Variants in EXOC4 observed in about 807,000 individuals in gnomAD.
EXOC4 encodes the protein SEC8-like 1.
EXOC4 carries 71 observed loss-of-function variants against 107.2 expected under a neutral mutation model. The observed-to-expected ratio is 0.66, with a 90% confidence interval of 0.55 to 0.81. EXOC4 has a LOEUF of 0.81. EXOC4 is among the 30% of genes least tolerant of loss of function. The pLI is 0.00. For missense variants in EXOC4, 1,108 were observed against 1,189.6 expected (o/e 0.93, Z 1.01); for synonymous variants, 456 against 441.2 (o/e 1.03, Z -0.42).
At chr7:133,930,227 A>C (rs1021520165) in intron 13 of EXOC4, among the ~76,000 whole-genome samples, 1 of 152,330 alleles carries the variant, frequency 6.6e-6, no homozygotes, top group African/African-American at 2.4e-5. Flanking sequence ...CATGTTATAC[A>C]GTGACTCCTG....
chr7:133,633,866 G>T lies in EXOC4; in HGVS notation c.1514+3725G>T, dbSNP rs888683443. 2.6e-5 allele frequency among the ~76,000 whole-genome samples: 4 copies of T among 152,108 alleles called. No homozygotes were observed. In the East Asian group the frequency reaches 5.8e-4, roughly 22 times the overall value. On this transcript the variant is annotated intron_variant, in intron 10 of 17. Coordinates refer to ENST00000253861, the MANE Select transcript of EXOC4 (RefSeq NM_021807.4). ...TCAGTGGAGGGAGAATCCCTTTCAAGTGCGTAGGTCCTTCACTTTCCTTTG... is the reference window on the plus strand; with the variant it reads ...TCAGTGGAGGGAGAATCCCTTTCAATTGCGTAGGTCCTTCACTTTCCTTTG...
At chr7:133,340,462 AT>A in intron 5 of EXOC4, among the ~76,000 whole-genome samples, 1 of 129,772 alleles carries the variant, frequency 7.7e-6, no homozygotes, top group East Asian at 2.2e-4. Context: ...ATCTGTGTTC[AT>A]TGGGGATATT....
At chr7:133,873,137 C>T (rs1798782633) in intron 11 of EXOC4, among the ~76,000 whole-genome samples, 1 of 152,128 alleles carries the variant, frequency 6.6e-6, no homozygotes, top group Admixed American at 6.5e-5. Context: ...AGTGAGACCC[C>T]ATCTCTACAA....
chr7:133,799,373 A>C (rs768532401), intron 10 of EXOC4, among the ~76,000 whole-genome samples: 2 of 152,202 alleles, frequency 1.3e-5, no homozygotes, highest in Non-Finnish European at 2.9e-5. Context: ...CCTGTCCTGC[A>C]TACTGTGGGA....
chr7:133,917,436 G>A (rs907159823), intron 12 of EXOC4, 147 bp from the exon 13 acceptor site: 4 of 673,360 alleles, frequency 5.9e-6, no homozygotes, highest in South Asian at 5.0e-5. Context: ...CTATTAATGG[G>A]TATCATGGAC....
chr7:133,882,973 T>G (rs1219657621), intron 11 of EXOC4, among the ~76,000 whole-genome samples: 1 of 152,162 alleles, frequency 6.6e-6, no homozygotes, highest in Non-Finnish European at 1.5e-5. Context: ...CACAAAGAAT[T>G]TTTCCATACA....
intron 12 of EXOC4, among the ~76,000 whole-genome samples, chr7:133,903,489 A>G (rs998885532): frequency 3.9e-5 from 6 of 152,146 alleles, no homozygotes; most frequent in African/African-American, 1.4e-4. Context: ...CAGATTGAAG[A>G]TAGGGTGTGA....
rs1794969647 is a variant in EXOC4 at position 133,315,435 on chromosome 7, G to A, written c.657-1849G>A. ...ATTAGGGTGGCACGGAAAGATGGTG[G>A]AAAGAGCTCTTTGTGTCTTTGGGCA... On this transcript the variant is annotated intron_variant, in intron 4 of 17. Coordinates refer to ENST00000253861, the MANE Select transcript of EXOC4 (RefSeq NM_021807.4). The A allele has an allele frequency of 2.6e-5, 4 of 152,188 alleles. 1 individual carries two copies. In the South Asian group the frequency reaches 6.2e-4, roughly 24 times the overall value. The allele number at this position is 152,188 out of a possible 1,614,324, so 9.4% of individuals were successfully genotyped here.
At chr7:133,672,385 C>T (rs797007199) in intron 10 of EXOC4, among the ~76,000 whole-genome samples, 5 of 144,702 alleles carry the variant, frequency 3.5e-5, no homozygotes, top group African/African-American at 1.3e-4. Context: ...AGTGAGACTC[C>T]GTTTAAAAAA....
chr7:134,001,215 G>T (rs1299039631), intron 15 of EXOC4, among the ~76,000 whole-genome samples: 1 of 152,096 alleles, frequency 6.6e-6, no homozygotes, highest in Non-Finnish European at 1.5e-5. Flanking sequence ...AGTCCAAGAT[G>T]CCAAGAATGT....
chr7:133,739,233 T>C (rs1359871732), intron 10 of EXOC4, among the ~76,000 whole-genome samples: 4 of 142,526 alleles, frequency 2.8e-5, no homozygotes, highest in African/African-American at 8.7e-5. Flanking sequence ...TGTGTGTGTG[T>C]GTGTGTGTGT....
intron 7 of EXOC4, among the ~76,000 whole-genome samples, chr7:133,429,503 T>C (rs4728287): frequency 0.77 from 117,579 of 151,888 alleles, 46,140 homozygotes; most frequent in East Asian, 0.95. Context: ...TTTAGTATAT[T>C]CACAGGGTTT....
intron 9 of EXOC4, among the ~76,000 whole-genome samples, chr7:133,505,718 G>A (rs1799654267): frequency 6.6e-6 from 1 of 152,088 alleles, no homozygotes; most frequent in South Asian, 2.1e-4. Context: ...CTAATTGCTT[G>A]ATAATGTAAC....
downstream of EXOC4, among the ~76,000 whole-genome samples, chr7:134,070,005 T>C (rs181468695): frequency 3.0e-4 from 45 of 152,290 alleles, no homozygotes; most frequent in African/African-American, 1.0e-3. Flanking sequence ...GCTGTCCCTC[T>C]AGCAGGATGT....
At chr7:133,386,647 T>A (rs1263500813) in intron 7 of EXOC4, among the ~76,000 whole-genome samples, 1 of 152,208 alleles carries the variant, frequency 6.6e-6, no homozygotes, top group East Asian at 1.9e-4. Context: ...ATGCAAAGCT[T>A]AATTTAAAAA....
intron 17 of EXOC4, among the ~76,000 whole-genome samples, chr7:134,038,342 A>G (rs1436027606): frequency 2.6e-5 from 4 of 152,186 alleles, no homozygotes; most frequent in Non-Finnish European, 4.4e-5. Flanking sequence ...TCCTGGATAT[A>G]TTAGGCATTA....
chr7:133,653,189 G>A (rs552804610), intron 10 of EXOC4, among the ~76,000 whole-genome samples: 1 of 152,252 alleles, frequency 6.6e-6, no homozygotes, highest in East Asian at 1.9e-4. Flanking sequence ...CAGAGAGGAA[G>A]AAGATCATTA....
intron 10 of EXOC4, among the ~76,000 whole-genome samples, chr7:133,728,076 T>A (rs62471417): frequency 0.074 from 11,299 of 152,306 alleles, 571 homozygotes; most frequent in Middle Eastern, 0.14. Flanking sequence ...TTACCCCAAA[T>A]TGCCACTTTT....
At chr7:133,551,981 C>A (rs890605847) in intron 9 of EXOC4, among the ~76,000 whole-genome samples, 1 of 151,876 alleles carries the variant, frequency 6.6e-6, no homozygotes, top group Admixed American at 6.6e-5. Flanking sequence ...ATTGAGTCTT[C>A]GTGAGAAGAT....
Sources: allele counts gnomAD v4.1 joint callset (sites outside exome capture counted in the v4.1 genomes callset), GRCh38; gene constraint gnomAD v4.1.1; transcripts MANE v1.5; gene names NCBI Gene and HGNC (gene_info 2026-07-23, HGNC 2026-07-21).